The following RPS24 variants were observed in gnomAD, a reference collection of about 807,000 sequenced individuals.
The protein encoded by RPS24 is small ribosomal subunit protein eS24.
For missense variants in RPS24, 100 were observed against 162.5 expected, an observed-to-expected ratio of 0.62 and a Z score of 2.09; for synonymous variants, 72 against 55.6, an observed-to-expected ratio of 1.30 and a Z score of -1.31.
exon 5 of RPS24, chr10:78,054,809 G>A (rs969066216): frequency 8.4e-6 from 13 of 1,551,630 alleles, no homozygotes; most frequent in East Asian, 4.9e-5. Flanking sequence ...CCTTCATGTC[G>A]CCTGCCTCAC....
rs539264497 is a variant in RPS24, at chr10:78,037,219, C to T, written c.305C>T (p.Thr102Ile). 1 of 1,606,126 alleles carries T rather than the reference C, an allele frequency of 6.2e-7. No individual in the cohort carries two copies. Among genetic ancestry groups the T allele is most frequent in the African/African-American group, 1.3e-5 (1 of 74,796 alleles). The change falls in exon 4 of 6, where the codon ACC (threonine) becomes ATC (isoleucine). Residue 102 changes from threonine (T) to isoleucine (I), a missense_variant. Transcript: ENST00000372360. Reference sequence around the variant, plus strand: ...CATGGCCTGTATGAGAAGAAAAAGACCTCAAGAAAGCAACGAAAGGAACGC... The same window carrying T: ...CATGGCCTGTATGAGAAGAAAAAGATCTCAAGAAAGCAACGAAAGGAACGC... ...ARHGLYEKKK[T>I]SRKQRKERKN... is the part of the protein sequence containing the mutation.
At chr10:78,042,210 A>T (rs575840240), downstream of RPS24, among the ~76,000 whole-genome samples, 160 of 152,296 alleles carry the variant, frequency 1.1e-3, no homozygotes, top group African/African-American at 3.7e-3. Context: ...ATCTGTTGGG[A>T]CAGGTATTCT....
chr10:78,045,802 C>T (rs1013401857), intron 4 of RPS24, among the ~76,000 whole-genome samples: 7 of 151,220 alleles, frequency 4.6e-5, no homozygotes, highest in African/African-American at 7.3e-5. Flanking sequence ...GTCAGGAGTT[C>T]GAGACCAGCC....
chr10:78,049,415 C>T (rs998859866), intron 4 of RPS24, among the ~76,000 whole-genome samples: 5 of 152,182 alleles, frequency 3.3e-5, no homozygotes, highest in African/African-American at 1.2e-4. Context: ...AGGAGGCCTT[C>T]TGCTGCAAGT....
chr10:78,051,655 G>T (rs1276125085), intron 4 of RPS24, among the ~76,000 whole-genome samples: 1 of 152,210 alleles, frequency 6.6e-6, no homozygotes, highest in East Asian at 1.9e-4. Context: ...TTCCACAGAG[G>T]CAGCACCATT....
chr10:78,035,812 C>A, intron 3 of RPS24, 92 bp downstream of exon 3: 1 of 994,286 alleles, frequency 1.0e-6, no homozygotes, highest in Non-Finnish European at 1.6e-6. Flanking sequence ...CAAGACCAAG[C>A]AATCTGGGAT....
In RPS24 at chr10:78,035,735, AT is replaced by A. The variant is rs1847851658; in HGVS notation, c.279+18del. On this transcript the variant is annotated intron_variant, in intron 3 of 5. Coordinates refer to ENST00000372360, the MANE Select transcript of RPS24 (RefSeq NM_033022.4). ...GACTTGCAAGAGTAGGTGTCTTTTCATTTGTTGATCAGCTCCTGAAGACCTA... is the reference window on the plus strand; with the variant it reads ...GACTTGCAAGAGTAGGTGTCTTTTCATTGTTGATCAGCTCCTGAAGACCTA... The A allele has an allele frequency of 1.9e-6, 3 of 1,592,694 alleles. No individual in the cohort carries two copies. The Admixed American group carries it at 5.0e-5, about 27-fold the overall frequency.
At chr10:78,045,102 C>T (rs1160810495), downstream of RPS24, among the ~76,000 whole-genome samples, 3 of 152,066 alleles carry the variant, frequency 2.0e-5, no homozygotes, top group African/African-American at 4.8e-5. Flanking sequence ...AATTCTCTGC[C>T]TCAGCTTCCC....
At chr10:78,052,102 T>C (rs59859969) in intron 4 of RPS24, among the ~76,000 whole-genome samples, 126 of 152,244 alleles carry the variant, frequency 8.3e-4, no homozygotes, top group African/African-American at 2.9e-3. Context: ...CTCGGCTCAC[T>C]GCAACCTCTG....
At chr10:78,055,279 T>C in exon 5 of RPS24, 1 of 388,004 alleles carries the variant, frequency 2.6e-6, no homozygotes, top group Non-Finnish European at 4.5e-6. Flanking sequence ...CTTCCTAGTT[T>C]TAATTTTTCC....
intron 4 of RPS24, among the ~76,000 whole-genome samples, chr10:78,053,205 G>T (rs796662812): frequency 2.0e-5 from 3 of 148,358 alleles, no homozygotes; most frequent in Admixed American, 6.8e-5. Context: ...AAAAAGAAAA[G>T]AAAAAAACCT....
downstream of RPS24, among the ~76,000 whole-genome samples, chr10:78,045,074 C>T (rs984622864): frequency 4.6e-5 from 7 of 151,818 alleles, no homozygotes; most frequent in South Asian, 2.1e-4. Flanking sequence ...CTGCAACCTC[C>T]GCCTCCTGGG....
chr10:78,044,820 G>T (rs1390891919), downstream of RPS24, among the ~76,000 whole-genome samples: 1 of 150,828 alleles, frequency 6.6e-6, no homozygotes, highest in Non-Finnish European at 1.5e-5. Flanking sequence ...TTTGGTTAAA[G>T]AAAATAAAAC....
At chr10:78,045,267 G>A (rs12259900), downstream of RPS24, among the ~76,000 whole-genome samples, 4,838 of 152,112 alleles carry the variant, frequency 0.032, 289 homozygotes, top group African/African-American at 0.11. Context: ...GATTACCGTC[G>A]TGAGGCACCG....
intron 4 of RPS24, among the ~76,000 whole-genome samples, chr10:78,054,319 T>A (rs1203104406): frequency 1.3e-5 from 2 of 152,198 alleles, no homozygotes; most frequent in African/African-American, 4.8e-5. Flanking sequence ...TTTTCATTCC[T>A]GCCTCTGTTC....
chr10:78,038,170 T>A, intron 4 of RPS24: 1 of 276,006 alleles, frequency 3.6e-6, no homozygotes, highest in Non-Finnish European at 7.2e-6. Context: ...CAACCTAATA[T>A]GTTTTAAGAT....
intron 4 of RPS24, chr10:78,037,902 C>CTTTTTTTTTTTTTTT (rs55902139): frequency 3.2e-5 from 12 of 379,934 alleles, no homozygotes; most frequent in Admixed American, 7.0e-5. Context: ...GTTCTGTGAA[C>CTTTTTTTTTTTTTTT]TTTTTTTTTT....
At position 78,040,668 on chromosome 10, in the gene RPS24, C is replaced by T. The variant is rs773342376; in HGVS notation, c.*73C>T. The T allele has an allele frequency of 1.8e-5, 29 of 1,613,830 alleles. No homozygotes were observed. The highest frequency in any genetic ancestry group is 1.5e-4 in the South Asian group (14 of 91,082). On this transcript the variant is annotated 3_prime_UTR_variant, in exon 6 of 6. Transcript: ENST00000372360. The stretch of plus-strand genomic sequence containing the variant: ...TTAGCTGTGGCCACTGTGGATTTTT[C>T]GCAAGAACATTAATAAACTAAAAAC...
chr10:78,047,093 C>CT (rs11416660), intron 4 of RPS24, among the ~76,000 whole-genome samples: 3,487 of 151,500 alleles, frequency 0.023, 162 homozygotes, highest in African/African-American at 0.081. Flanking sequence ...GTAGCTGGGA[C>CT]TACTGGTGCC....
Sources: allele counts gnomAD v4.1 joint callset (sites outside exome capture counted in the v4.1 genomes callset), GRCh38; gene constraint gnomAD v4.1.1; transcripts MANE v1.5; gene names NCBI Gene and HGNC (gene_info 2026-07-23, HGNC 2026-07-21).